The following MAML3 variants were observed in gnomAD, a reference collection of about 807,000 sequenced individuals.
MAML3 encodes the protein mastermind like transcriptional coactivator 3, also known as mastermind-like protein 3.
In MAML3, 27 loss-of-function variants were observed where a neutral mutation model predicts 101.9. That is an observed-to-expected ratio of 0.27 (90% CI 0.20 to 0.37). MAML3 has a LOEUF of 0.37. Ranked by LOEUF, MAML3 falls within the 10% of genes least tolerant of loss-of-function variation. The pLI, the probability that MAML3 is intolerant of heterozygous loss-of-function variation, is 1.00. For missense variants in MAML3, 1,316 were observed against 1,444.9 expected (o/e 0.91, Z 1.45); for synonymous variants, 501 against 555.9 (o/e 0.90, Z 1.39).
intron 1 of MAML3, among the ~76,000 whole-genome samples, chr4:140,084,108 T>A (rs890902250): frequency 1.3e-5 from 2 of 152,146 alleles, no homozygotes; most frequent in African/African-American, 4.8e-5. Context: ...CACCATCACT[T>A]AGCACTCAGT....
intron 1 of MAML3, among the ~76,000 whole-genome samples, chr4:139,914,170 A>G (rs1732983580): frequency 6.6e-6 from 1 of 152,184 alleles, no homozygotes; most frequent in African/African-American, 2.4e-5. Flanking sequence ...TCACAATCAT[A>G]ATGAAATGAG....
intron 1 of MAML3, among the ~76,000 whole-genome samples, chr4:140,028,871 T>C (rs1370920365): frequency 6.6e-6 from 1 of 152,240 alleles, no homozygotes; most frequent in African/African-American, 2.4e-5. Flanking sequence ...CTTTGATGAT[T>C]CATGCTCTCC....
chr4:140,011,295 A>G (rs2110860319), intron 1 of MAML3, among the ~76,000 whole-genome samples: 1 of 144,674 alleles, frequency 6.9e-6, no homozygotes, highest in South Asian at 2.2e-4. Context: ...GACTTTACCA[A>G]ACAGAGAAAA....
In MAML3 at chr4:139,883,200, G is replaced by A. The variant is rs1050822526; in HGVS notation, c.2079+6157C>T. The stretch of plus-strand genomic sequence containing the variant: ...CAGGGCAGAGAACTTCAGGAGAGAA[G>A]GAAAGACGGAGGGAGGGAGAGAGGG... On this transcript the variant is annotated intron_variant, in intron 2 of 4. Coordinates refer to ENST00000509479, the MANE Select transcript of MAML3 (RefSeq NM_018717.5). Among the ~76,000 whole-genome samples the A allele has an allele frequency of 2.6e-5, 4 of 152,060 alleles. No individual in the cohort carries two copies. The East Asian group carries it at 5.8e-4, about 22-fold the overall frequency.
At chr4:139,993,651 C>A (rs1734748116) in intron 1 of MAML3, among the ~76,000 whole-genome samples, 1 of 151,792 alleles carries the variant, frequency 6.6e-6, no homozygotes, top group Non-Finnish European at 1.5e-5. Context: ...CATGATGAAA[C>A]CTCGTCTCTA....
intron 1 of MAML3, among the ~76,000 whole-genome samples, chr4:140,007,283 T>G (rs1040268751): frequency 2.0e-5 from 3 of 152,072 alleles, no homozygotes; most frequent in African/African-American, 4.8e-5. Context: ...GGCTAAAAAT[T>G]TATCACCAAC....
In MAML3 at chr4:140,104,340, CA is replaced by C. The variant is rs1434080787; in HGVS notation, c.468+48519del. ...GTCAAGGCTGCAGTGAGCCCTGTCT[CA>C]AAAAAAAAACCAAACCTATTTTATA... On this transcript the variant is annotated intron_variant, in intron 1 of 4. Coordinates refer to ENST00000509479, the MANE Select transcript of MAML3 (RefSeq NM_018717.5). 8.5e-3 allele frequency among the ~76,000 whole-genome samples: 236 copies of C among 27,666 alleles called. 1 individual carries two copies. The highest frequency in any genetic ancestry group is 0.024 in the African/African-American group (220 of 9,076). 18.1% of individuals were successfully genotyped at this position (27,666 alleles called of 152,430 possible). A position where few individuals can be genotyped will look rare whatever the true frequency, so the allele number is the denominator to read the frequency against.
At chr4:140,128,999 T>TAGTCACACAGCCTCAGGA (rs1728734870) in intron 1 of MAML3, among the ~76,000 whole-genome samples, 1 of 152,086 alleles carries the variant, frequency 6.6e-6, no homozygotes. Context: ...ATCAGAGTCG[T>TAGTCACACAGCCTCAGGA]AGTCACACAG....
At chr4:139,983,540 C>T (rs1423142282) in intron 1 of MAML3, among the ~76,000 whole-genome samples, 1 of 152,038 alleles carries the variant, frequency 6.6e-6, no homozygotes, top group Non-Finnish European at 1.5e-5. Context: ...GGAATATTTA[C>T]CTTGTATTTT....
Position 139,720,174 on chromosome 4 carries a change from T to C in MAML3, c.2566A>G (p.Met856Val), listed in dbSNP as rs777354819. The change falls in exon 5 of 5, where the codon ATG becomes GTG. Residue 856 changes from methionine to valine, a missense_variant. Coordinates refer to ENST00000509479, the MANE Select transcript of MAML3 (RefSeq NM_018717.5). ...GTGGTGCTATAAGGGGCCAGTCCCA[T>C]CTCCGACTGCGCAGCTGCGGTGGCC... ...TMATAAAQSE[M>V]GLAPYSTTPT... The C allele has an allele frequency of 3.1e-6, 5 of 1,613,920 alleles. No homozygotes were observed. In the South Asian group the frequency reaches 3.3e-5, roughly 11 times the overall value.
intron 1 of MAML3, among the ~76,000 whole-genome samples, chr4:140,139,388 G>A (rs1200876106): frequency 2.6e-5 from 4 of 151,640 alleles, no homozygotes; most frequent in African/African-American, 9.7e-5. Flanking sequence ...CACTTTTTGA[G>A]TTATATTAAA....
chr4:139,730,290 T>C, intron 3 of MAML3, 126 bp downstream of exon 3: 1 of 824,980 alleles, frequency 1.2e-6, no homozygotes, highest in Non-Finnish European at 1.9e-6. Flanking sequence ...CTTGTGATCC[T>C]GGGAAATGCT....
rs1560824449 is a variant in MAML3 at position 139,885,912 on chromosome 4, G to GAT, written c.2079+3444_2079+3445insAT. 6.2e-4 allele frequency among the ~76,000 whole-genome samples: 45 copies of GAT among 72,544 alleles called. No homozygotes were observed. The East Asian group carries it at 0.026, about 42-fold the overall frequency. 47.6% of individuals were successfully genotyped at this position (72,544 alleles called of 152,430 possible). A position where few individuals can be genotyped will look rare whatever the true frequency, so the allele number is the denominator to read the frequency against. ...CGCGCCACTGCACTCCAGCCTGGGCGACAGGGCAAGACTCCGTCTCAAAAA... is the reference window on the plus strand; with the variant it reads ...CGCGCCACTGCACTCCAGCCTGGGCGATACAGGGCAAGACTCCGTCTCAAAAA... On this transcript the variant is annotated intron_variant, in intron 2 of 4. Transcript: ENST00000509479.
chr4:140,120,019 C>T (rs1266148937), intron 1 of MAML3, among the ~76,000 whole-genome samples: 1 of 151,942 alleles, frequency 6.6e-6, no homozygotes, highest in Admixed American at 6.6e-5. Flanking sequence ...AGGCGGATCA[C>T]GAGGTCAGGA....
chr4:140,144,295 C>T (rs930327167), intron 1 of MAML3, among the ~76,000 whole-genome samples: 1 of 152,008 alleles, frequency 6.6e-6, no homozygotes, highest in African/African-American at 2.4e-5. Flanking sequence ...GCCTGTAATC[C>T]CAACACTTTG....
chr4:139,952,082 T>A (rs901580229), intron 1 of MAML3, among the ~76,000 whole-genome samples: 6 of 152,020 alleles, frequency 3.9e-5, no homozygotes, highest in Non-Finnish European at 7.4e-5. Context: ...GGAGAATCGC[T>A]TGAACCCAGG....
At position 139,813,410 on chromosome 4, in the gene MAML3, A is replaced by G. The variant is rs553463242; in HGVS notation, c.2079+75947T>C. On this transcript the variant is annotated intron_variant, in intron 2 of 4. Transcript: ENST00000509479. Reference sequence around the variant, plus strand: ...ACTGTGAAATTTCAGAAAGCTAAAAATAAAAGAGATCCTAAATGTTTCCAA... The same window carrying G: ...ACTGTGAAATTTCAGAAAGCTAAAAGTAAAAGAGATCCTAAATGTTTCCAA... Among the ~76,000 whole-genome samples, 6 of 152,316 alleles carry G rather than the reference A, an allele frequency of 3.9e-5. No homozygotes were observed. The East Asian group carries it at 1.2e-3, about 29-fold the overall frequency.
chr4:139,952,020 C>G (rs2110759461), intron 1 of MAML3, among the ~76,000 whole-genome samples: 1 of 152,220 alleles, frequency 6.6e-6, no homozygotes, highest in South Asian at 2.1e-4. Flanking sequence ...AAAAAATTAG[C>G]CGTGTGTAGC....
chr4:140,022,879 C>T (rs1222919660), intron 1 of MAML3, among the ~76,000 whole-genome samples: 1 of 152,142 alleles, frequency 6.6e-6, no homozygotes, highest in Admixed American at 6.5e-5. Flanking sequence ...ATATTATGAG[C>T]TTATGCTGTG....
Sources: allele counts gnomAD v4.1 joint callset (sites outside exome capture counted in the v4.1 genomes callset), GRCh38; gene constraint gnomAD v4.1.1; transcripts MANE v1.5; gene names NCBI Gene and HGNC (gene_info 2026-07-23, HGNC 2026-07-21).